Variants in DTNA observed in about 807,000 individuals in gnomAD.
The protein encoded by DTNA is dystrophin-related protein 3.
A neutral mutation model predicts 100.7 loss-of-function variants in DTNA; 43 were observed. The observed-to-expected ratio is 0.43, with a 90% confidence interval of 0.33 to 0.55. The LOEUF is 0.55. Among genes scored for constraint, DTNA ranks in the 20% least tolerant of loss-of-function variants. The probability of loss-of-function intolerance (pLI) is 0.04; values close to 1 mark genes in which losing one functional copy is unlikely to be tolerated. For synonymous variants in DTNA, 349 were observed against 347.9 expected (o/e 1.00, Z -0.04); for missense variants, 798 against 953.9 (o/e 0.84, Z 2.15).
At chr18:34,731,894 G>A (rs780079301) in intron 1 of DTNA, among the ~76,000 whole-genome samples, 2 of 152,156 alleles carry the variant, frequency 1.3e-5, no homozygotes, top group African/African-American at 2.4e-5. Flanking sequence ...GAAGTGACAG[G>A]GCAGGTGAGG....
At chr18:34,887,424 G>C (rs370713763) in intron 22 of DTNA, among the ~76,000 whole-genome samples, 1 of 152,112 alleles carries the variant, frequency 6.6e-6, no homozygotes, top group Non-Finnish European at 1.5e-5. Flanking sequence ...AAAAACCAAC[G>C]TGGCAGCCTA....
At chr18:34,737,515 C>T (rs2147585366) in intron 1 of DTNA, among the ~76,000 whole-genome samples, 1 of 152,212 alleles carries the variant, frequency 6.6e-6, no homozygotes, top group East Asian at 1.9e-4. Context: ...ATAGTGTCCT[C>T]CCTCTTATGA....
chr18:34,790,454 G>A (rs2094677068), intron 3 of DTNA, among the ~76,000 whole-genome samples: 1 of 135,162 alleles, frequency 7.4e-6, no homozygotes, highest in South Asian at 2.3e-4. Context: ...AAGTACACAG[G>A]GGCTAGATGA....
At position 34,596,677 on chromosome 18, in the gene DTNA, G is replaced by A. The variant is rs547044788; in HGVS notation, c.-2+103163G>A. Among the ~76,000 whole-genome samples, 4 of 152,046 alleles carry A rather than the reference G, an allele frequency of 2.6e-5. No homozygotes were observed. The South Asian group carries it at 8.3e-4, about 32-fold the overall frequency. ...ATAGTTGTTTCTTTTTACACTCTTC[G>A]TTCTAGAGAACATATCAAAGTTTGC... On this transcript the variant is annotated intron_variant, in intron 1 of 19. Coordinates refer to the DTNA transcript ENST00000283365.
At chr18:34,647,928 G>A (rs75381226) in intron 1 of DTNA, among the ~76,000 whole-genome samples, 159 of 152,242 alleles carry the variant, frequency 1.0e-3, no homozygotes, top group African/African-American at 3.8e-3. Flanking sequence ...AATATATGAG[G>A]GGGAAAAATA....
intron 1 of DTNA, among the ~76,000 whole-genome samples, chr18:34,734,309 T>C (rs541435505): frequency 6.6e-6 from 1 of 152,272 alleles, no homozygotes; most frequent in African/African-American, 2.4e-5. Flanking sequence ...GGAGGGGATG[T>C]TGACTCTACT....
chr18:34,862,140 A>AAAAAAAAG (rs1555881848), intron 16 of DTNA, among the ~76,000 whole-genome samples: 2 of 146,926 alleles, frequency 1.4e-5, no homozygotes, highest in Non-Finnish European at 3.0e-5. Flanking sequence ...AAAAAAAAAA[A>AAAAAAAAG]AAAGAGAAAG....
At chr18:34,672,403 A>T (rs1247548005) in intron 1 of DTNA, among the ~76,000 whole-genome samples, 1 of 152,164 alleles carries the variant, frequency 6.6e-6, no homozygotes, top group East Asian at 1.9e-4. Context: ...TCCCTTTAAA[A>T]GTGTATTCTA....
chr18:34,881,205 C>A (rs1047414375), intron 20 of DTNA, among the ~76,000 whole-genome samples: 2 of 152,150 alleles, frequency 1.3e-5, no homozygotes, highest in African/African-American at 4.8e-5. Flanking sequence ...GAAACTTCTT[C>A]TTGACCACTT....
intron 1 of DTNA, among the ~76,000 whole-genome samples, chr18:34,749,702 G>A (rs922810532): frequency 2.5e-4 from 38 of 151,398 alleles, no homozygotes; most frequent in Non-Finnish European, 4.4e-4. Context: ...AGTTCCAGGA[G>A]TAGAAGATGA....
At chr18:34,825,363 A>G in intron 9 of DTNA, 1 of 1,533,968 alleles carries the variant, frequency 6.5e-7, no homozygotes, top group East Asian at 2.3e-5. Flanking sequence ...AGTGAGCAAT[A>G]TGAGGCTAGT....
At chr18:34,602,362 C>A (rs2052047025) in intron 1 of DTNA, among the ~76,000 whole-genome samples, 1 of 152,140 alleles carries the variant, frequency 6.6e-6, no homozygotes, top group Non-Finnish European at 1.5e-5. Context: ...GAATTTGGAA[C>A]ATGCTGTATA....
At chr18:34,759,167 C>CA (rs551386904) in intron 2 of DTNA, among the ~76,000 whole-genome samples, 35 of 151,934 alleles carry the variant, frequency 2.3e-4, no homozygotes, top group East Asian at 1.2e-3. Flanking sequence ...CTGAAAAAAA[C>CA]AAAAAAACAA....
intron 1 of DTNA, among the ~76,000 whole-genome samples, chr18:34,629,581 C>A (rs779370244): frequency 2.6e-5 from 4 of 152,130 alleles, no homozygotes; most frequent in Non-Finnish European, 4.4e-5. Flanking sequence ...CCAGTGAATT[C>A]AAGTCGTAGT....
intron 1 of DTNA, among the ~76,000 whole-genome samples, chr18:34,645,200 A>G (rs1404043077): frequency 1.3e-5 from 2 of 152,008 alleles, no homozygotes; most frequent in Non-Finnish European, 2.9e-5. Context: ...ATTCTGGAAA[A>G]CCTTTGGCAA....
At chr18:34,666,905 G>A (rs2076013326) in intron 1 of DTNA, among the ~76,000 whole-genome samples, 1 of 152,120 alleles carries the variant, frequency 6.6e-6, no homozygotes, top group South Asian at 2.1e-4. Context: ...GGCGATGCGG[G>A]CTCTTTTTTG....
At chr18:34,729,976 T>C (rs149483098) in intron 1 of DTNA, among the ~76,000 whole-genome samples, 100 of 152,116 alleles carry the variant, frequency 6.6e-4, no homozygotes, top group African/African-American at 2.3e-3. Flanking sequence ...AACCTTGCTG[T>C]TTCTTGTCCT....
intron 5 of DTNA, among the ~76,000 whole-genome samples, chr18:34,811,523 T>C (rs1400641269): frequency 6.6e-6 from 1 of 152,232 alleles, no homozygotes; most frequent in Admixed American, 6.5e-5. Context: ...TAATATAAAT[T>C]GGTAAATTTC....
At chr18:34,549,696 T>A (rs1025403213) in intron 1 of DTNA, among the ~76,000 whole-genome samples, 2 of 152,140 alleles carry the variant, frequency 1.3e-5, no homozygotes, top group African/African-American at 4.8e-5. Flanking sequence ...TTTTATTTCC[T>A]TTCCTTTTGC....
Sources: gnomAD v4.1 joint callset for allele counts (sites outside exome capture counted in the v4.1 genomes callset) on GRCh38, gnomAD v4.1.1 for gene constraint, MANE v1.5 for transcripts, NCBI Gene and HGNC (gene_info 2026-07-23, HGNC 2026-07-21) for gene names.